ZFAND3: variants seen among roughly 807,000 people sequenced by gnomAD.
ZFAND3 encodes the protein AN1-type zinc finger protein 3.
ZFAND3 carries 10 observed loss-of-function variants against 29.6 expected under a neutral mutation model. That is an observed-to-expected ratio of 0.34 (90% CI 0.21 to 0.57). ZFAND3 has a LOEUF of 0.57. Ranked by LOEUF, ZFAND3 falls within the 20% of genes least tolerant of loss-of-function variation. The pLI is 0.86. For missense variants in ZFAND3, 230 were observed against 304.5 expected (o/e 0.76, Z 1.82); for synonymous variants, 128 against 112.6 (o/e 1.14, Z -0.87).
intron 2 of ZFAND3, among the ~76,000 whole-genome samples, chr6:37,956,125 G>A (rs1260945767): frequency 6.6e-6 from 1 of 152,186 alleles, no homozygotes; most frequent in Non-Finnish European, 1.5e-5. Context: ...GCCACGTTAA[G>A]ATGAGGTCCT....
At chr6:38,054,448 C>T (rs1451543927) in intron 2 of ZFAND3, among the ~76,000 whole-genome samples, 1 of 149,552 alleles carries the variant, frequency 6.7e-6, no homozygotes, top group Non-Finnish European at 1.5e-5. Context: ...CAGTGTTATT[C>T]AGTCTGTCTA....
chr6:38,035,767 T>C (rs981137575), intron 2 of ZFAND3, among the ~76,000 whole-genome samples: 1 of 152,188 alleles, frequency 6.6e-6, no homozygotes, highest in African/African-American at 2.4e-5. Context: ...TTCTAGAAAT[T>C]GTTTAGGGTG....
At chr6:38,138,473 G>A in intron 5 of ZFAND3, among the ~76,000 whole-genome samples, 1 of 152,094 alleles carries the variant, frequency 6.6e-6, no homozygotes. Flanking sequence ...GGACGGCTTG[G>A]AGGGCAGCAA....
intron 2 of ZFAND3, among the ~76,000 whole-genome samples, chr6:38,006,935 C>G (rs1763061297): frequency 6.6e-6 from 1 of 152,086 alleles, no homozygotes; most frequent in Non-Finnish European, 1.5e-5. Flanking sequence ...CTCCTGCAGT[C>G]ATACACACAC....
Position 38,005,193 on chromosome 6 carries a change from C to T in ZFAND3, c.113-56400C>T, listed in dbSNP as rs542381002. Among the ~76,000 whole-genome samples, 12 of 152,256 alleles carry T rather than the reference C, an allele frequency of 7.9e-5. No individual in the cohort carries two copies. In the South Asian group the frequency reaches 2.3e-3, roughly 29 times the overall value. On this transcript the variant is annotated intron_variant, in intron 2 of 5. Coordinates refer to ENST00000287218, the MANE Select transcript of ZFAND3 (RefSeq NM_021943.3). ...TTAGTGCCATTTCAAACCCCAGGAG[C>T]TCCACATATGATGGTTTTATATTGG... is the stretch of plus-strand genomic sequence containing the variant.
chr6:37,962,076 A>G (rs1445096693), intron 2 of ZFAND3, among the ~76,000 whole-genome samples: 2 of 152,240 alleles, frequency 1.3e-5, no homozygotes, highest in Non-Finnish European at 2.9e-5. Context: ...CAGAGAATTC[A>G]AAACATCTGT....
intron 1 of ZFAND3, among the ~76,000 whole-genome samples, chr6:37,838,508 T>G (rs969580857): frequency 1.3e-5 from 2 of 152,244 alleles, no homozygotes; most frequent in Non-Finnish European, 1.5e-5. Context: ...CAGCTCCTGC[T>G]AAACATGAAT....
At chr6:38,120,575 C>G (rs1468838694) in intron 5 of ZFAND3, among the ~76,000 whole-genome samples, 1 of 151,964 alleles carries the variant, frequency 6.6e-6, no homozygotes, top group Non-Finnish European at 1.5e-5. Context: ...GTCCACCTGC[C>G]TCGGCCTCCC....
chr6:37,988,274 C>G (rs1197977012), intron 2 of ZFAND3, among the ~76,000 whole-genome samples: 6 of 152,216 alleles, frequency 3.9e-5, no homozygotes, highest in Admixed American at 3.9e-4. Flanking sequence ...TTCTGTATCA[C>G]TGCATATGAA....
intron 2 of ZFAND3, among the ~76,000 whole-genome samples, chr6:38,025,263 A>G (rs1292313936): frequency 6.6e-6 from 1 of 152,250 alleles, no homozygotes; most frequent in East Asian, 1.9e-4. Context: ...ATTACTCAGG[A>G]GAGACAAAGG....
Position 38,154,171 on chromosome 6 carries a change from C to G in ZFAND3, c.*1782C>G, listed in dbSNP as rs1242347452. On this transcript the variant is annotated 3_prime_UTR_variant, in exon 6 of 6. Coordinates refer to ENST00000287218, the MANE Select transcript of ZFAND3 (RefSeq NM_021943.3). ...GCTGTCAAGCCACAGCCCTTGGCCACCATACGGGCCATCCTCAGTGAGGCA... is the reference window on the plus strand; with the variant it reads ...GCTGTCAAGCCACAGCCCTTGGCCAGCATACGGGCCATCCTCAGTGAGGCA... The G allele has an allele frequency of 1.0e-6, 1 of 985,508 alleles. No homozygotes were observed. Among genetic ancestry groups the G allele is most frequent in the South Asian group, 4.7e-5 (1 of 21,304 alleles). The allele number at this position is 985,508 out of a possible 1,614,324, so 61.0% of individuals were successfully genotyped here.
chr6:37,959,881 C>T (rs752421581), intron 2 of ZFAND3, among the ~76,000 whole-genome samples: 9 of 152,144 alleles, frequency 5.9e-5, no homozygotes, highest in Non-Finnish European at 1.2e-4. Flanking sequence ...CTTGAGAAGG[C>T]GAAATCTGTA....
chr6:37,882,330 G>A (rs763714530), intron 1 of ZFAND3, among the ~76,000 whole-genome samples: 2 of 152,092 alleles, frequency 1.3e-5, no homozygotes, highest in African/African-American at 2.4e-5. Context: ...TATTTTGGGG[G>A]CAGTAGTCAA....
At chr6:37,900,951 A>G (rs1410984723) in intron 1 of ZFAND3, among the ~76,000 whole-genome samples, 2 of 152,274 alleles carry the variant, frequency 1.3e-5, no homozygotes, top group Non-Finnish European at 2.9e-5. Flanking sequence ...CTTTTAATAG[A>G]GGGGAACTGA....
chr6:37,839,938 A>T (rs1350532792), intron 1 of ZFAND3, among the ~76,000 whole-genome samples: 2 of 152,078 alleles, frequency 1.3e-5, no homozygotes, highest in Non-Finnish European at 2.9e-5. Context: ...AGAGCACAAA[A>T]GTTTTAATTT....
intron 2 of ZFAND3, among the ~76,000 whole-genome samples, chr6:37,935,560 A>T (rs1455508955): frequency 5.3e-5 from 8 of 152,240 alleles, no homozygotes; most frequent in Non-Finnish European, 1.0e-4. Flanking sequence ...ATTAGTATTT[A>T]AAAAATTCTG....
intron 4 of ZFAND3, among the ~76,000 whole-genome samples, chr6:38,086,466 A>G (rs1457364884): frequency 6.6e-6 from 1 of 152,216 alleles, no homozygotes; most frequent in Non-Finnish European, 1.5e-5. Flanking sequence ...AAAGCACATC[A>G]TACCTTCAGA....
At chr6:38,085,810 A>G (rs778849758) in intron 4 of ZFAND3, among the ~76,000 whole-genome samples, 2 of 152,178 alleles carry the variant, frequency 1.3e-5, no homozygotes, top group Non-Finnish European at 2.9e-5. Context: ...GGCCAGTTAG[A>G]TAGGACTATG....
chr6:37,931,340 G>A (rs954248488), intron 2 of ZFAND3, among the ~76,000 whole-genome samples: 1 of 152,130 alleles, frequency 6.6e-6, no homozygotes, highest in African/African-American at 2.4e-5. Flanking sequence ...TTTGAGAGAG[G>A]CTAGGGTCAT....
Sources: allele counts gnomAD v4.1 joint callset (sites outside exome capture counted in the v4.1 genomes callset), GRCh38; gene constraint gnomAD v4.1.1; transcripts MANE v1.5; gene names NCBI Gene and HGNC (gene_info 2026-07-23, HGNC 2026-07-21).